Variants in SLC16A12 observed in about 807,000 individuals in gnomAD.
SLC16A12 encodes the protein monocarboxylate transporter 12.
A neutral mutation model predicts 42.4 loss-of-function variants in SLC16A12; 17 were observed. The observed-to-expected ratio is 0.40, with a 90% CI of 0.27 to 0.60. SLC16A12 has a LOEUF of 0.60. Ranked by LOEUF, SLC16A12 falls within the 20% of genes least tolerant of loss-of-function variation. The pLI is 0.42. For missense variants in SLC16A12, 544 were observed against 623.0 expected (o/e 0.87, Z 1.35); for synonymous variants, 224 against 229.4 (o/e 0.98, Z 0.21).
chr10:89,546,386 C>T (rs1273350020), intron 2 of SLC16A12, among the ~76,000 whole-genome samples: 2 of 152,132 alleles, frequency 1.3e-5, no homozygotes, highest in Non-Finnish European at 2.9e-5. Context: ...TATGGACAGA[C>T]AATTCTCAAA....
intron 2 of SLC16A12, among the ~76,000 whole-genome samples, chr10:89,502,692 G>A (rs901027417): frequency 2.6e-5 from 4 of 152,058 alleles, no homozygotes; most frequent in South Asian, 2.1e-4. Context: ...CACATGTGTC[G>A]GACACTGCTA....
chr10:89,542,697 C>A (rs1378136109), intron 2 of SLC16A12, among the ~76,000 whole-genome samples: 10 of 152,198 alleles, frequency 6.6e-5, no homozygotes, highest in Admixed American at 5.9e-4. Context: ...AACCACTATA[C>A]TTCCATTACT....
chr10:89,536,324 T>C (rs1843661383), upstream of SLC16A12, among the ~76,000 whole-genome samples: 1 of 152,120 alleles, frequency 6.6e-6, no homozygotes, highest in Non-Finnish European at 1.5e-5. Context: ...AGAATGCTAG[T>C]GAAAAGCGTT....
At chr10:89,486,546 C>G (rs558937959) in intron 2 of SLC16A12, among the ~76,000 whole-genome samples, 1 of 135,006 alleles carries the variant, frequency 7.4e-6, no homozygotes, top group Admixed American at 8.0e-5. Context: ...GAGCTATTAT[C>G]AAGCCACTGT....
intron 3 of SLC16A12, among the ~76,000 whole-genome samples, chr10:89,452,398 T>C (rs1417208351): frequency 6.6e-6 from 1 of 152,194 alleles, no homozygotes; most frequent in African/African-American, 2.4e-5. Flanking sequence ...AAAGCTGACA[T>C]TGCATAACAT....
At chr10:89,482,301 A>C (rs1842676735) in intron 2 of SLC16A12, among the ~76,000 whole-genome samples, 1 of 152,114 alleles carries the variant, frequency 6.6e-6, no homozygotes, top group Non-Finnish European at 1.5e-5. Flanking sequence ...ACTATGGTAC[A>C]AAGTTAACAT....
At chr10:89,460,482 T>TG (rs35248262) in intron 3 of SLC16A12, among the ~76,000 whole-genome samples, 76,678 of 151,532 alleles carry the variant, frequency 0.51, 19,681 homozygotes, top group Non-Finnish European at 0.54. Context: ...CCCAGCACTT[T>TG]GGAGGCTGAG....
intron 2 of SLC16A12, among the ~76,000 whole-genome samples, chr10:89,543,988 C>T (rs1186794030): frequency 6.6e-6 from 1 of 152,232 alleles, no homozygotes; most frequent in Non-Finnish European, 1.5e-5. Flanking sequence ...TTACCATTCC[C>T]ACTATGTCCA....
intron 2 of SLC16A12, among the ~76,000 whole-genome samples, chr10:89,506,135 C>T (rs1843057782): frequency 6.6e-6 from 1 of 152,196 alleles, no homozygotes; most frequent in South Asian, 2.1e-4. Context: ...GAAGGCGCAG[C>T]TGTGGGCACA....
chr10:89,536,894 G>A (rs1386905127), upstream of SLC16A12, among the ~76,000 whole-genome samples: 3 of 152,198 alleles, frequency 2.0e-5, no homozygotes, highest in Non-Finnish European at 4.4e-5. Flanking sequence ...CTGGAGTGCA[G>A]TGGTGCGATT....
At chr10:89,453,189 G>A (rs1842123910) in intron 3 of SLC16A12, among the ~76,000 whole-genome samples, 1 of 152,172 alleles carries the variant, frequency 6.6e-6, no homozygotes, top group South Asian at 2.1e-4. Flanking sequence ...CACACCCAAC[G>A]ACAGAGAGAA....
intron 2 of SLC16A12, among the ~76,000 whole-genome samples, chr10:89,464,089 C>A (rs1317575706): frequency 6.6e-6 from 1 of 152,224 alleles, no homozygotes; most frequent in Non-Finnish European, 1.5e-5. Flanking sequence ...CCATGCTGCA[C>A]ACCTGGAGAA....
chr10:89,468,597 G>T (rs1249410299), intron 2 of SLC16A12, among the ~76,000 whole-genome samples: 1 of 152,320 alleles, frequency 6.6e-6, no homozygotes, highest in Middle Eastern at 3.4e-3. Flanking sequence ...AAGCCGACAA[G>T]GTTATCACAA....
Position 89,468,504 on chromosome 10 carries a change from C to T in SLC16A12, c.-46-5880G>A, listed in dbSNP as rs763493172. Reference sequence around the variant, plus strand: ...TCTGAGATTTCAAAATTGTTATTGGCGTTTCTGTCAACAAGATGTCCAAGC... The same window carrying T: ...TCTGAGATTTCAAAATTGTTATTGGTGTTTCTGTCAACAAGATGTCCAAGC... On this transcript the variant is annotated intron_variant, in intron 2 of 7. Transcript: ENST00000371790. Among the ~76,000 whole-genome samples, 13 of 152,228 alleles carry T rather than the reference C, an allele frequency of 8.5e-5. 1 individual carries two copies. The Middle Eastern group carries it at 0.02, about 239-fold the overall frequency.
chr10:89,511,690 C>A (rs1019053060), intron 2 of SLC16A12, among the ~76,000 whole-genome samples: 1 of 152,032 alleles, frequency 6.6e-6, no homozygotes, highest in African/African-American at 2.4e-5. Flanking sequence ...CTGTAACAAA[C>A]CTGCATGATG....
intron 2 of SLC16A12, among the ~76,000 whole-genome samples, chr10:89,497,292 G>C (rs557673300): frequency 1.3e-5 from 2 of 152,212 alleles, no homozygotes; most frequent in Admixed American, 1.3e-4. Flanking sequence ...AAACACATCA[G>C]ATTGATTTAA....
At chr10:89,555,587 GTA>G (rs1843808812) in intron 2 of SLC16A12, among the ~76,000 whole-genome samples, 1 of 125,350 alleles carries the variant, frequency 8.0e-6, no homozygotes, top group African/African-American at 3.2e-5. Flanking sequence ...ATGTATATAT[GTA>G]TATATACACA....
At chr10:89,468,419 T>A (rs1842440710) in intron 2 of SLC16A12, among the ~76,000 whole-genome samples, 1 of 152,200 alleles carries the variant, frequency 6.6e-6, no homozygotes, top group Non-Finnish European at 1.5e-5. Context: ...ACACTGCATG[T>A]GAGTGTAAAT....
intron 2 of SLC16A12, among the ~76,000 whole-genome samples, chr10:89,520,951 A>T (rs1221622696): frequency 6.6e-6 from 1 of 152,162 alleles, no homozygotes; most frequent in African/African-American, 2.4e-5. Flanking sequence ...ATGCTCAGTA[A>T]ATGGAAGTAT....
Sources: allele counts gnomAD v4.1 joint callset (sites outside exome capture counted in the v4.1 genomes callset), GRCh38; gene constraint gnomAD v4.1.1; transcripts MANE v1.5; gene names NCBI Gene and HGNC (gene_info 2026-07-23, HGNC 2026-07-21).